Variants in PTPRN2 observed in about 807,000 individuals in gnomAD.
The protein encoded by PTPRN2 is protein tyrosine phosphatase receptor type N2, also known as receptor-type tyrosine-protein phosphatase N2.
In PTPRN2, 74 loss-of-function variants were observed where a neutral mutation model predicts 118.8. The observed-to-expected ratio is 0.62, with a 90% CI of 0.52 to 0.76. PTPRN2 has a LOEUF of 0.76. PTPRN2 is among the 30% of genes least tolerant of loss of function. The pLI is 0.00. For synonymous variants in PTPRN2, 641 were observed against 608.0 expected, an observed-to-expected ratio of 1.05 and a Z score of -0.80; for missense variants, 1,481 against 1,394.4, an observed-to-expected ratio of 1.06 and a Z score of -0.99.
chr7:158,391,497 G>C (rs1811924186), intron 2 of PTPRN2, among the ~76,000 whole-genome samples: 1 of 152,212 alleles, frequency 6.6e-6, no homozygotes, highest in Admixed American at 6.5e-5. Flanking sequence ...GCCTCCCCTA[G>C]CTTCTTCCTG....
At chr7:158,455,749 A>G (rs1818410075) in intron 2 of PTPRN2, among the ~76,000 whole-genome samples, 1 of 148,932 alleles carries the variant, frequency 6.7e-6, no homozygotes, top group Non-Finnish European at 1.5e-5. Flanking sequence ...CGCTCTGCAG[A>G]GAAGACAACG....
intron 3 of PTPRN2, among the ~76,000 whole-genome samples, chr7:158,306,665 C>T (rs1801310693): frequency 1.3e-5 from 2 of 152,240 alleles, no homozygotes; most frequent in East Asian, 3.9e-4. Context: ...AACAACAACA[C>T]CTAAGGAGAG....
chr7:158,396,078 A>G (rs1249015018), intron 2 of PTPRN2, among the ~76,000 whole-genome samples: 1 of 152,152 alleles, frequency 6.6e-6, no homozygotes, highest in Non-Finnish European at 1.5e-5. Context: ...GGCCTCCCCA[A>G]CCAGAGACCA....
intron 6 of PTPRN2, among the ~76,000 whole-genome samples, chr7:158,160,739 T>C (rs1822285728): frequency 1.3e-5 from 2 of 152,126 alleles, no homozygotes; most frequent in South Asian, 4.1e-4. Flanking sequence ...CTTTTATACA[T>C]CTCCCTTCCT....
chr7:157,757,898 G>A (rs1387142391), intron 12 of PTPRN2, among the ~76,000 whole-genome samples: 2 of 152,180 alleles, frequency 1.3e-5, no homozygotes, highest in Non-Finnish European at 2.9e-5. Context: ...GAGACACCGC[G>A]CACAAGAAGG....
chr7:157,904,292 T>C (rs1252503045), intron 11 of PTPRN2, among the ~76,000 whole-genome samples: 4 of 152,086 alleles, frequency 2.6e-5, no homozygotes, highest in Non-Finnish European at 5.9e-5. Context: ...GTCTCTTCCT[T>C]CCCCCACAGG....
At chr7:157,699,359 T>A (rs1300868467) in intron 12 of PTPRN2, among the ~76,000 whole-genome samples, 1 of 152,250 alleles carries the variant, frequency 6.6e-6, no homozygotes, top group Non-Finnish European at 1.5e-5. Flanking sequence ...TTTGATTTTA[T>A]ATTGCAAATA....
At chr7:157,650,689 T>G (rs1676141916) in intron 14 of PTPRN2, among the ~76,000 whole-genome samples, 1 of 152,164 alleles carries the variant, frequency 6.6e-6, no homozygotes, top group Admixed American at 6.5e-5. Flanking sequence ...TACAGGGCAC[T>G]GGGTCTGAAG....
intron 6 of PTPRN2, among the ~76,000 whole-genome samples, chr7:158,147,352 C>A (rs1418119545): frequency 5.7e-5 from 5 of 87,864 alleles, no homozygotes; most frequent in Admixed American, 2.0e-4. Context: ...CCATCTCACG[C>A]CACGTATCTT....
In PTPRN2 at chr7:158,003,282, C is replaced by T. The variant is rs969743814; in HGVS notation, c.1723+78016G>A. 2.1e-4 allele frequency among the ~76,000 whole-genome samples: 32 copies of T among 151,564 alleles called. No homozygotes were observed. The highest frequency in any genetic ancestry group is 7.8e-4 in the African/African-American group (32 of 41,248). On this transcript the variant is annotated intron_variant, in intron 11 of 22. Coordinates refer to ENST00000389418, the MANE Select transcript of PTPRN2 (RefSeq NM_002847.5). This position sits in a 1 kb window ranked among gnomAD's most constrained non-coding sequence, Gnocchi z 5.0. ...ACAAAAAATTAGCCGGGCGTGTTGG[C>T]GGGCGCCTGTAGTCCCAGCTACTTG... is the stretch of plus-strand genomic sequence containing the variant.
At chr7:158,018,909 G>A (rs1387760337) in intron 11 of PTPRN2, among the ~76,000 whole-genome samples, 3 of 139,086 alleles carry the variant, frequency 2.2e-5, no homozygotes, top group East Asian at 2.2e-4. Context: ...GCAGTGAGCC[G>A]AGATCATGCG....
chr7:158,270,857 C>T (rs1171704459), intron 3 of PTPRN2, among the ~76,000 whole-genome samples: 486 of 31,876 alleles, frequency 0.015, 52 homozygotes, highest in African/African-American at 0.049. Context: ...GGACCGCCCC[C>T]CCACCTGGAC....
intron 11 of PTPRN2, among the ~76,000 whole-genome samples, chr7:158,001,353 A>G (rs1216336200): frequency 6.6e-6 from 1 of 152,006 alleles, no homozygotes; most frequent in Non-Finnish European, 1.5e-5. Flanking sequence ...CTCCACACTC[A>G]CAGCAACCCA....
At chr7:158,382,542 A>G (rs569761471) in intron 2 of PTPRN2, among the ~76,000 whole-genome samples, 7 of 152,302 alleles carry the variant, frequency 4.6e-5, no homozygotes, top group African/African-American at 1.7e-4. Context: ...CCCCCGGGCC[A>G]TGAACCAGTA....
chr7:158,197,599 C>G (rs766365987), intron 4 of PTPRN2, among the ~76,000 whole-genome samples: 2 of 152,122 alleles, frequency 1.3e-5, no homozygotes, highest in Non-Finnish European at 2.9e-5. Flanking sequence ...AAAGATATAC[C>G]TGAGACTGGG....
intron 2 of PTPRN2, among the ~76,000 whole-genome samples, chr7:158,486,301 C>A (rs1173045256): frequency 6.6e-6 from 1 of 152,226 alleles, no homozygotes; most frequent in East Asian, 1.9e-4. Flanking sequence ...TAAGCGTGAT[C>A]TATTTTAATC....
intron 1 of PTPRN2, among the ~76,000 whole-genome samples, chr7:158,543,656 T>G (rs934388884): frequency 4.6e-5 from 7 of 152,210 alleles, no homozygotes; most frequent in Non-Finnish European, 1.0e-4. Flanking sequence ...CACGTTAAAT[T>G]TATGTGTGAG....
intron 12 of PTPRN2, among the ~76,000 whole-genome samples, chr7:157,697,271 A>T (rs1333352207): frequency 7.1e-6 from 1 of 141,000 alleles, no homozygotes; most frequent in Admixed American, 7.0e-5. Flanking sequence ...GTCTTGGCAG[A>T]TTCCTCACCA....
At chr7:157,997,431 C>G (rs1269397039) in intron 11 of PTPRN2, among the ~76,000 whole-genome samples, 1 of 152,248 alleles carries the variant, frequency 6.6e-6, no homozygotes, top group Admixed American at 6.5e-5. Context: ...CATAAATCCC[C>G]CTGGCTGGCG....
Sources: allele counts gnomAD v4.1 joint callset (sites outside exome capture counted in the v4.1 genomes callset), GRCh38; gene constraint gnomAD v4.1.1; non-coding constraint Gnocchi (gnomAD v3.1); transcripts MANE v1.5; gene names NCBI Gene and HGNC (gene_info 2026-07-23, HGNC 2026-07-21).